The following TMTC1 variants were observed in gnomAD, a reference collection of about 807,000 sequenced individuals.
The protein encoded by TMTC1 is protein O-mannosyl-transferase TMTC1.
Under a neutral mutation model 104.8 loss-of-function variants are expected in TMTC1, and 73 were observed. That is an observed-to-expected ratio of 0.70 (90% confidence interval 0.58 to 0.85). The LOEUF is 0.85. TMTC1 is among the 40% of genes least tolerant of loss of function. The pLI, the probability that TMTC1 is intolerant of heterozygous loss-of-function variation, is 0.00. For synonymous variants in TMTC1, 434 were observed against 428.7 expected (o/e 1.01, Z -0.15); for missense variants, 1,035 against 1,096.1 (o/e 0.94, Z 0.79).
In TMTC1 at chr12:29,504,673, A is replaced by C. The variant is rs1368322036; in HGVS notation, c.*2173T>G. The C allele has an allele frequency of 6.6e-6, 1 of 152,154 alleles. No individual in the cohort carries two copies. The highest frequency in any genetic ancestry group is 1.5e-5 in the Non-Finnish European group (1 of 68,026). 9.4% of individuals were successfully genotyped at this position (152,154 alleles called of 1,614,324 possible). A position where few individuals can be genotyped will look rare whatever the true frequency, so the allele number is the denominator to read the frequency against. ...CAGAGAGTTTCCTGAAGGTCATGTG[A>C]TCCTTTACCCTCAGAAACTTTTAGG... On this transcript the variant is annotated 3_prime_UTR_variant, in exon 18 of 18. Transcript: ENST00000539277.
intron 5 of TMTC1, among the ~76,000 whole-genome samples, chr12:29,736,172 C>A (rs1027189890): frequency 6.6e-6 from 1 of 151,184 alleles, no homozygotes; most frequent in Admixed American, 6.6e-5. Flanking sequence ...GCAGGCATTG[C>A]CCCTGAGGAG....
Position 29,691,593 on chromosome 12 carries a change from G to T in TMTC1, c.939-58257C>A, listed in dbSNP as rs12321940. ...AGTGACTGTCAAACTGACCATTACCGGAAGCCAAAACTGAGGAAACAATTC... is the reference window on the plus strand; with the variant it reads ...AGTGACTGTCAAACTGACCATTACCTGAAGCCAAAACTGAGGAAACAATTC... On this transcript the variant is annotated intron_variant, in intron 5 of 17. Coordinates refer to ENST00000539277, the MANE Select transcript of TMTC1 (RefSeq NM_001193451.2). 9.1e-5 allele frequency among the ~76,000 whole-genome samples: 13 copies of T among 143,012 alleles called. 4 individuals are homozygous for T. The highest frequency in any genetic ancestry group is 3.3e-4 in the African/African-American group (13 of 38,824). 93.8% of individuals were successfully genotyped at this position (143,012 alleles called of 152,430 possible).
At chr12:29,614,889 C>T (rs1198545761) in intron 6 of TMTC1, among the ~76,000 whole-genome samples, 2 of 152,092 alleles carry the variant, frequency 1.3e-5, no homozygotes, top group Non-Finnish European at 2.9e-5. Context: ...TAAATTACTC[C>T]CCAAGTGAAG....
At chr12:29,597,789 A>T (rs1162127865) in intron 7 of TMTC1, among the ~76,000 whole-genome samples, 1 of 152,208 alleles carries the variant, frequency 6.6e-6, no homozygotes, top group Non-Finnish European at 1.5e-5. Context: ...TTCTAAAACC[A>T]GTAAAGCTTC....
chr12:29,536,433 TG>T (rs759713693), intron 10 of TMTC1, 116 bp from the exon 11 acceptor site: 5 of 688,104 alleles, frequency 7.3e-6, no homozygotes, highest in Non-Finnish European at 1.3e-5. Flanking sequence ...TGATTCACTC[TG>T]GATTTATTGC....
At chr12:29,782,365 A>G (rs1185440246) in intron 1 of TMTC1, among the ~76,000 whole-genome samples, 1 of 152,234 alleles carries the variant, frequency 6.6e-6, no homozygotes, top group African/African-American at 2.4e-5. Context: ...GACACCTGTC[A>G]AGAGGCCTCA....
intron 1 of TMTC1, among the ~76,000 whole-genome samples, chr12:29,771,052 T>C (rs1473691802): frequency 1.3e-5 from 2 of 152,184 alleles, no homozygotes; most frequent in Non-Finnish European, 2.9e-5. Flanking sequence ...AATAAATCAA[T>C]GTCTCCTTGG....
chr12:29,613,776 CTA>C (rs1946907295), intron 6 of TMTC1: 2 of 166,674 alleles, frequency 1.2e-5, no homozygotes, highest in Admixed American at 1.3e-4. Context: ...GGTCTTCTAC[CTA>C]TGACTATAGC....
chr12:29,548,669 T>C (rs1343090882), intron 10 of TMTC1, among the ~76,000 whole-genome samples: 3 of 151,734 alleles, frequency 2.0e-5, no homozygotes, highest in Admixed American at 1.3e-4. Context: ...TTTTTCTTCA[T>C]AAATTACCCA....
intron 5 of TMTC1, among the ~76,000 whole-genome samples, chr12:29,693,175 C>T (rs111794323): frequency 0.041 from 5,855 of 144,290 alleles, 912 homozygotes; most frequent in African/African-American, 0.14. Context: ...TAAATACATA[C>T]GATGTGTACT....
At chr12:29,616,274 T>C in intron 6 of TMTC1, among the ~76,000 whole-genome samples, 1 of 152,154 alleles carries the variant, frequency 6.6e-6, no homozygotes, top group East Asian at 1.9e-4. Context: ...TAAGAAAAGT[T>C]CTCACTTCAG....
At chr12:29,634,461 TG>T (rs1938451735) in intron 5 of TMTC1, among the ~76,000 whole-genome samples, 2 of 151,954 alleles carry the variant, frequency 1.3e-5, no homozygotes, top group African/African-American at 4.8e-5. Flanking sequence ...CTGACACTAC[TG>T]AAAACCCCCA....
chr12:29,506,694 G>T lies in TMTC1; in HGVS notation c.*152C>A. 1.1e-6 allele frequency: 1 copy of T among 927,720 alleles called. No individual in the cohort carries two copies. The allele number at this position is 927,720 out of a possible 1,614,324, so 57.5% of individuals were successfully genotyped here. ...GGAAAAGCAAGTCCTTCAGCACTGG[G>T]CTACCAGCAGATGTCCCAAAATGTG... On this transcript the variant is annotated 3_prime_UTR_variant, in exon 18 of 18. Coordinates refer to ENST00000539277, the MANE Select transcript of TMTC1 (RefSeq NM_001193451.2).
In TMTC1 at chr12:29,536,295, C is replaced by T. The variant is rs1944641314; in HGVS notation, c.1699G>A (p.Ala567Thr). The change falls in exon 11 of 18, where the codon GCT becomes ACT. Residue 567 changes from alanine to threonine, a missense_variant. By Grantham distance (58) the Ala-to-Thr change is moderately conservative (BLOSUM62 0). Transcript: ENST00000539277. ...LLKSQEKKEE[A>T]ITLLKDSIKY... Reference sequence around the variant, plus strand: ...ATGGAATCCTTCAGTAAGGTGATAGCTTCTTCCTTTTTCTCCTGGGACCTA... The same window carrying T: ...ATGGAATCCTTCAGTAAGGTGATAGTTTCTTCCTTTTTCTCCTGGGACCTA... 1 of 1,610,786 alleles carries T rather than the reference C, an allele frequency of 6.2e-7. No individual in the cohort carries two copies. The highest frequency in any genetic ancestry group is 1.7e-5 in the Admixed American group (1 of 59,468).
chr12:29,768,018 A>G lies in TMTC1; in HGVS notation c.360T>C (p.Ile120=). Residue 120 remains isoleucine (I), a synonymous_variant, in exon 2 of 18, where the codon ATT becomes ATC. Coordinates refer to ENST00000539277, the MANE Select transcript of TMTC1 (RefSeq NM_001193451.2). ...GCACAAGAGTCACTAAGCAGTGTAA[A>G]ATTATATTTACTGCATGAAAGTAGA... ...NPFYFHAVNI[I]LHCLVTLVLM... is the part of the protein sequence containing the mutation. 6.2e-7 allele frequency: 1 copy of G among 1,613,742 alleles called. No homozygotes were observed. The highest frequency in any genetic ancestry group is 8.5e-7 in the Non-Finnish European group (1 of 1,179,808).
rs1450059840 is a variant in TMTC1 at position 29,751,975 on chromosome 12, A to C, written c.732-103T>G. 2.8e-6 allele frequency: 3 copies of C among 1,074,666 alleles called. No individual in the cohort carries two copies. The South Asian group carries it at 5.0e-5, about 18-fold the overall frequency. 66.6% of individuals were successfully genotyped at this position (1,074,666 alleles called of 1,614,324 possible). ...CCCACCCACAAGTCTTGCTTCCTGG[A>C]AACAACCATTCTCAAGTCTTTAGCC... is the stretch of plus-strand genomic sequence containing the variant. On this transcript the variant is annotated intron_variant, in intron 4 of 17. Coordinates refer to ENST00000539277, the MANE Select transcript of TMTC1 (RefSeq NM_001193451.2).
chr12:29,630,596 T>G (rs1269001889), intron 6 of TMTC1, among the ~76,000 whole-genome samples: 1 of 152,218 alleles, frequency 6.6e-6, no homozygotes, highest in Non-Finnish European at 1.5e-5. Context: ...TCCATGTCTG[T>G]CCACATTGTT....
At chr12:29,648,844 G>T (rs1939389500) in intron 5 of TMTC1, among the ~76,000 whole-genome samples, 1 of 152,086 alleles carries the variant, frequency 6.6e-6, no homozygotes, top group Admixed American at 6.6e-5. Context: ...TAAAAATTAT[G>T]AATGGGATTT....
At chr12:29,585,972 GAAGA>G (rs1263309955) in intron 7 of TMTC1, among the ~76,000 whole-genome samples, 1 of 152,056 alleles carries the variant, frequency 6.6e-6, no homozygotes, top group Admixed American at 6.5e-5. Context: ...CCAATTCTGT[GAAGA>G]AAGTCATTGG....
Sources: allele counts gnomAD v4.1 joint callset (sites outside exome capture counted in the v4.1 genomes callset), GRCh38; gene constraint gnomAD v4.1.1; transcripts MANE v1.5; gene names NCBI Gene and HGNC (gene_info 2026-07-23, HGNC 2026-07-21).